ITIH2: variants seen among roughly 807,000 people sequenced by gnomAD.
ITIH2 encodes inter-alpha-trypsin inhibitor heavy chain H2.
Under a neutral mutation model 104.4 loss-of-function variants are expected in ITIH2, and 103 were observed. The ratio of observed to expected loss-of-function variants is 0.99; its 90% confidence interval spans 0.84 to 1.16. ITIH2 has a LOEUF of 1.16. Ranked by LOEUF, ITIH2 falls within the 50% of genes most tolerant of loss-of-function variation. The pLI, the probability that ITIH2 is intolerant of heterozygous loss-of-function variation, is 0.00. For synonymous variants in ITIH2, 436 were observed against 435.4 expected (o/e 1.00, Z -0.02); for missense variants, 1,108 against 1,162.4 (o/e 0.95, Z 0.68).
chr10:7,715,103 G>A (rs879064781), intron 5 of ITIH2, among the ~76,000 whole-genome samples: 1 of 152,152 alleles, frequency 6.6e-6, no homozygotes, highest in Admixed American at 6.5e-5. Flanking sequence ...CCTTGCTGCA[G>A]GTGAATCAGT....
At chr10:7,705,277 T>A in intron 2 of ITIH2, 95 bp downstream of exon 2, 2 of 892,534 alleles carry the variant, frequency 2.2e-6, no homozygotes, top group South Asian at 1.5e-5. Flanking sequence ...TAGATTTTCT[T>A]AAGAGTTTGT....
chr10:7,703,603 A>T (rs767966816), intron 1 of ITIH2, 85 bp downstream of exon 1: 211 of 818,442 alleles, frequency 2.6e-4, no homozygotes, highest in Middle Eastern at 9.5e-4. Context: ...CAATGGCCTT[A>T]TTCTGTGTGT....
chr10:7,730,195 G>C, intron 12 of ITIH2, 62 bp downstream of exon 12: 1 of 1,245,172 alleles, frequency 8.0e-7, no homozygotes, highest in Non-Finnish European at 1.1e-6. Context: ...ACCCATATCT[G>C]ATGCAGGTAT....
chr10:7,706,982 A>G (rs2275953), intron 2 of ITIH2, among the ~76,000 whole-genome samples: 53,966 of 152,150 alleles, frequency 0.35, 10,847 homozygotes, highest in African/African-American at 0.56. Context: ...AGAATGACAC[A>G]CACGCCACCA....
chr10:7,713,750 C>T (rs1016907566), intron 5 of ITIH2, among the ~76,000 whole-genome samples: 2 of 151,892 alleles, frequency 1.3e-5, no homozygotes, highest in Non-Finnish European at 2.9e-5. Flanking sequence ...ATTTTTTGCC[C>T]AGGCTGGAAT....
chr10:7,708,819 A>G (rs1834770246), intron 3 of ITIH2, among the ~76,000 whole-genome samples: 1 of 152,178 alleles, frequency 6.6e-6, no homozygotes, highest in African/African-American at 2.4e-5. Flanking sequence ...TCTTGAAACC[A>G]AGGCAGACTT....
At chr10:7,732,195 C>G (rs1835010014) in intron 13 of ITIH2, 143 bp from the exon 14 acceptor site, 1 of 1,013,872 alleles carries the variant, frequency 9.9e-7, no homozygotes, top group Non-Finnish European at 1.5e-6. Flanking sequence ...ATCCCAAGCA[C>G]AGGAATGCAT....
At position 7,749,493 on chromosome 10, in the gene ITIH2, C is replaced by A; in HGVS notation, c.*159C>A. On this transcript the variant is annotated 3_prime_UTR_variant, in exon 21 of 21. Coordinates refer to ENST00000358415, the MANE Select transcript of ITIH2 (RefSeq NM_002216.3). ...GTGGTTTATAAAGCCTGTAAACACA[C>A]CTAAGAAAATAAACATTTTACAAAT... 1 of 553,940 alleles carries A rather than the reference C, an allele frequency of 1.8e-6. No individual in the cohort carries two copies. Among genetic ancestry groups the A allele is most frequent in the Non-Finnish European group, 3.1e-6 (1 of 320,880 alleles). The allele number at this position is 553,940 out of a possible 1,614,324, so 34.3% of individuals were successfully genotyped here.
chr10:7,717,734 C>T lies in ITIH2; in HGVS notation c.576C>T (p.Gly192=). ...AGGAGGTGAAGTGGAGGAAGCTGGG[C>T]TCCTATGAGCACAGGATCTATCTGC... ...HYQEVKWRKL[G]SYEHRIYLQP... Residue 192 remains glycine (G), a synonymous_variant, in exon 6 of 21, where the codon GGC becomes GGT. Coordinates refer to ENST00000358415, the MANE Select transcript of ITIH2 (RefSeq NM_002216.3). 6.2e-7 allele frequency: 1 copy of T among 1,613,116 alleles called. No individual in the cohort carries two copies. The highest frequency in any genetic ancestry group is 8.5e-7 in the Non-Finnish European group (1 of 1,179,958).
chr10:7,707,077 G>A, intron 2 of ITIH2, 124 bp from the exon 3 acceptor site: 4 of 551,830 alleles, frequency 7.2e-6, no homozygotes, highest in Non-Finnish European at 1.3e-5. Flanking sequence ...CAACTCCAGT[G>A]AATGAATAAC....
At chr10:7,746,107 G>C (rs527471816) in intron 19 of ITIH2, among the ~76,000 whole-genome samples, 27 of 136,634 alleles carry the variant, frequency 2.0e-4, no homozygotes, top group African/African-American at 7.4e-4. Flanking sequence ...AAAAGGCTGT[G>C]AGTAGTGGCT....
intron 20 of ITIH2, 108 bp from the exon 21 acceptor site, chr10:7,749,079 C>A: frequency 9.3e-7 from 1 of 1,072,596 alleles, no homozygotes; most frequent in Non-Finnish European, 1.4e-6. Context: ...AGGTGGGGGG[C>A]GGCAGATGTG....
chr10:7,713,258 C>T lies in ITIH2; in HGVS notation c.440C>T (p.Ala147Val). The T allele has an allele frequency of 1.9e-6, 3 of 1,614,086 alleles. No homozygotes were observed. The highest frequency in any genetic ancestry group is 2.5e-6 in the Non-Finnish European group (3 of 1,179,946). ...CGAGCTCTTTATGCACAGGCCAGAG[C>T]AAAAGGCAAGACGGCTGGCTTGGTG... is the stretch of plus-strand genomic sequence containing the variant. Reference protein sequence around the residue: ...VGRALYAQARAKGKTAGLVRS... With the variant: ...VGRALYAQARVKGKTAGLVRS... The change falls in exon 5 of 21, where the codon GCA (alanine) becomes GTA (valine). Residue 147 changes from alanine (A) to valine (V), a missense_variant. By Grantham distance (64) the Ala-to-Val change is moderately conservative. Coordinates refer to ENST00000358415, the MANE Select transcript of ITIH2 (RefSeq NM_002216.3).
In ITIH2 at chr10:7,746,065, AT is replaced by A. The variant is rs1227494309; in HGVS notation, c.2582-525del. ...CACCACACCCGGCCCCAAATCTTAAATTTAAAAAAAAAAAAAAAAAAAAAAA... is the reference window on the plus strand; with the variant it reads ...CACCACACCCGGCCCCAAATCTTAAATTAAAAAAAAAAAAAAAAAAAAAAA... On this transcript the variant is annotated intron_variant, in intron 19 of 20. Transcript: ENST00000358415. 5.9e-4 allele frequency among the ~76,000 whole-genome samples: 47 copies of A among 79,072 alleles called. 3 individuals are homozygous for A. The highest frequency in any genetic ancestry group is 2.2e-3 in the African/African-American group (43 of 19,386). The allele number at this position is 79,072 out of a possible 152,430, so 51.9% of individuals were successfully genotyped here. A position where few individuals can be genotyped will look rare whatever the true frequency, so the allele number is the denominator to read the frequency against.
At chr10:7,727,851 C>A in intron 11 of ITIH2, 23 bp downstream of exon 11, 1 of 1,613,286 alleles carries the variant, frequency 6.2e-7, no homozygotes, top group South Asian at 1.1e-5. Context: ...TCAACCTTCT[C>A]ACGACAAACA....
In ITIH2 at chr10:7,749,314, A is replaced by G. The variant is rs765460081; in HGVS notation, c.2821A>G (p.Ser941Gly). 2 of 1,614,132 alleles carry G rather than the reference A, an allele frequency of 1.2e-6. No homozygotes were observed. Among genetic ancestry groups the G allele is most frequent in the Non-Finnish European group, 1.7e-6 (2 of 1,179,978 alleles). ...GGATTACTTCGTGCCTCAGCTCTAC[A>G]GCTTTCTCAAACGGCCTTAAAGGTT... Reference protein sequence around the residue: ...YKDYFVPQLYSFLKRP With the variant: ...YKDYFVPQLYGFLKRP Residue 941 changes from serine to glycine, a missense_variant, in exon 21 of 21, where the codon AGC (serine) becomes GGC (glycine). Transcript: ENST00000358415.
chr10:7,710,410 T>C (rs1834786589), intron 4 of ITIH2, among the ~76,000 whole-genome samples: 1 of 152,214 alleles, frequency 6.6e-6, no homozygotes, highest in Non-Finnish European at 1.5e-5. Flanking sequence ...CTCTAAGTGA[T>C]TGGAATGATT....
chr10:7,738,617 G>A lies in ITIH2; in HGVS notation c.1958-4G>A, dbSNP rs1034889737. The A allele has an allele frequency of 2.0e-5, 32 of 1,612,990 alleles. No homozygotes were observed. Among genetic ancestry groups the A allele is most frequent in the Non-Finnish European group, 2.5e-5 (29 of 1,179,512 alleles). On this transcript the variant is annotated splice_region_variant and splice_polypyrimidine_tract_variant and intron_variant, in intron 15 of 20. Transcript: ENST00000358415. ...AACTAACAGATGCAGGTTTGTCTAC[G>A]CAGGGGCCCTGTATTACGGCAGCAA...
At chr10:7,724,816 A>G (rs913292674) in intron 9 of ITIH2, among the ~76,000 whole-genome samples, 2 of 151,846 alleles carry the variant, frequency 1.3e-5, no homozygotes, top group African/African-American at 4.9e-5. Context: ...CCTCCCCTGC[A>G]TCATAACAAT....
Sources: allele counts gnomAD v4.1 joint callset (sites outside exome capture counted in the v4.1 genomes callset), GRCh38; gene constraint gnomAD v4.1.1; transcripts MANE v1.5; gene names NCBI Gene and HGNC (gene_info 2026-07-23, HGNC 2026-07-21).